The following BACH1 variants were observed in gnomAD, a reference collection of about 807,000 sequenced individuals.
BACH1 encodes the protein transcription regulator protein BACH1.
In BACH1, 35 loss-of-function variants were observed where a neutral mutation model predicts 52.9. The ratio of observed to expected loss-of-function variants is 0.66; its 90% confidence interval spans 0.51 to 0.88. The LOEUF (loss-of-function observed/expected upper bound fraction) is 0.88. BACH1 is among the 40% of genes least tolerant of loss of function. The pLI is 0.00. For synonymous variants in BACH1, 321 were observed against 319.6 expected (o/e 1.00, Z -0.05); for missense variants, 808 against 872.6 (o/e 0.93, Z 0.93).
chr21:29,318,244 A>T (rs1421056774), intron 1 of BACH1, among the ~76,000 whole-genome samples: 1 of 152,232 alleles, frequency 6.6e-6, no homozygotes, highest in African/African-American at 2.4e-5. Flanking sequence ...GCAGGAGCTG[A>T]TGATGGCTTG....
chr21:29,342,794 C>G lies in BACH1; in HGVS notation c.2172C>G (p.Phe724Leu). ...QCRQSGGISD[F>L]CQQMTDKCTT... ...GTCAGAGTGGTGGGATCTCAGATTT[C>G]TGTCAGCAGATGACTGATAAATGTA... Residue 724 changes from phenylalanine (F) to leucine (L), a missense_variant, in exon 5 of 5, where the codon TTC (phenylalanine) becomes TTG (leucine). Phe to Leu is a conservative substitution (Grantham distance 22). Transcript: ENST00000286800. 6 of 1,609,810 alleles carry G rather than the reference C, an allele frequency of 3.7e-6. No individual in the cohort carries two copies. Among genetic ancestry groups the G allele is most frequent in the Non-Finnish European group, 5.1e-6 (6 of 1,176,558 alleles).
intron 1 of BACH1, among the ~76,000 whole-genome samples, chr21:29,310,340 A>G (rs1052103386): frequency 6.6e-5 from 10 of 152,212 alleles, no homozygotes; most frequent in African/African-American, 1.9e-4. Flanking sequence ...AAGAATTTGA[A>G]TGCAGAAACA....
In BACH1 at chr21:29,326,935, T is replaced by G. The variant is rs751760727; in HGVS notation, c.1111T>G (p.Ser371Ala). ...FGESQDLPLK[S>A]DLGTREDSSV... ...TGAAAGTCAGGATTTACCTTTGAAA[T>G]CCGACTTGGGCACCAGGGAAGATAG... Residue 371 changes from serine to alanine, a missense_variant, in exon 3 of 5, where the codon TCC becomes GCC. Ser to Ala is a moderately conservative substitution (Grantham distance 99). Transcript: ENST00000286800. 3 of 1,614,194 alleles carry G rather than the reference T, an allele frequency of 1.9e-6. No homozygotes were observed. Among genetic ancestry groups the G allele is most frequent in the East Asian group, 4.5e-5 (2 of 44,880 alleles).
At position 29,298,973 on chromosome 21, in the gene BACH1, C is replaced by G. The variant is rs540376583; in HGVS notation, c.-61+20C>G. 118 of 151,936 alleles carry G rather than the reference C, an allele frequency of 7.8e-4. 1 individual carries two copies. The highest frequency in any genetic ancestry group is 2.7e-3 in the African/African-American group (113 of 41,488). The allele number at this position is 151,936 out of a possible 1,614,324, so 9.4% of individuals were successfully genotyped here. ...GCTCTGGTGAGTGGCTCGGCCGTCCCGCCGGCCCTTCTCCGGGAGGGTTGG... is the reference window on the plus strand; with the variant it reads ...GCTCTGGTGAGTGGCTCGGCCGTCCGGCCGGCCCTTCTCCGGGAGGGTTGG... On this transcript the variant is annotated intron_variant, in intron 1 of 4. Coordinates refer to ENST00000286800, the MANE Select transcript of BACH1 (RefSeq NM_001186.4).
At chr21:29,317,868 A>T (rs548893329) in intron 1 of BACH1, among the ~76,000 whole-genome samples, 1 of 152,192 alleles carries the variant, frequency 6.6e-6, no homozygotes, top group Admixed American at 6.5e-5. Context: ...TGTTTTCTCT[A>T]CTTTATAGAT....
downstream of BACH1, among the ~76,000 whole-genome samples, chr21:29,349,891 G>C (rs975171359): frequency 2.3e-4 from 35 of 152,236 alleles, no homozygotes; most frequent in African/African-American, 8.4e-4. Context: ...CATTGAGCCA[G>C]TTAAACTCCT....
intron 1 of BACH1, among the ~76,000 whole-genome samples, chr21:29,308,643 G>C (rs906688412): frequency 2.0e-5 from 3 of 151,976 alleles, no homozygotes; most frequent in Non-Finnish European, 4.4e-5. Context: ...ACCTGCAGGG[G>C]GTCATTTTGG....
chr21:29,350,512 C>G (rs2089196385), downstream of BACH1, among the ~76,000 whole-genome samples: 1 of 152,138 alleles, frequency 6.6e-6, no homozygotes, highest in East Asian at 1.9e-4. Flanking sequence ...AGGGAAGTAA[C>G]TTTTCCACCC....
At chr21:29,314,463 C>T (rs983985302) in intron 1 of BACH1, among the ~76,000 whole-genome samples, 1 of 152,184 alleles carries the variant, frequency 6.6e-6, no homozygotes, top group Non-Finnish European at 1.5e-5. Flanking sequence ...GACCCAGCAA[C>T]TATAACAAAA....
At chr21:29,321,581 T>G (rs1433234678) in intron 2 of BACH1, 67 bp downstream of exon 2, 2 of 1,431,524 alleles carry the variant, frequency 1.4e-6, no homozygotes, top group African/African-American at 2.8e-5. Context: ...TTCATAATGT[T>G]GAAAATAAAG....
intron 2 of BACH1, among the ~76,000 whole-genome samples, chr21:29,358,117 G>T (rs1334679635): frequency 6.6e-6 from 1 of 152,228 alleles, no homozygotes; most frequent in African/African-American, 2.4e-5. Context: ...GGCCCCTGGG[G>T]TTGTCACTTC....
chr21:29,320,861 C>T (rs568848960), intron 1 of BACH1, among the ~76,000 whole-genome samples: 87 of 152,318 alleles, frequency 5.7e-4, no homozygotes, highest in African/African-American at 2.0e-3. Context: ...TGCCTTCTCT[C>T]TCTCTCTCAA....
At chr21:29,301,977 C>T (rs938993210) in intron 1 of BACH1, among the ~76,000 whole-genome samples, 1 of 152,124 alleles carries the variant, frequency 6.6e-6, no homozygotes, top group Non-Finnish European at 1.5e-5. Context: ...CACCCCTGTA[C>T]TGTGAGAGGT....
intron 4 of BACH1, among the ~76,000 whole-genome samples, chr21:29,339,571 A>T (rs1298093530): frequency 6.6e-6 from 1 of 151,744 alleles, no homozygotes; most frequent in Admixed American, 6.6e-5. Context: ...CTTTAAAAAA[A>T]TTATATTTGA....
downstream of BACH1, among the ~76,000 whole-genome samples, chr21:29,347,556 G>GA (rs2089176796): frequency 6.6e-6 from 1 of 152,170 alleles, no homozygotes; most frequent in South Asian, 2.1e-4. Context: ...AAGTTCTCTT[G>GA]AAACATTGGC....
chr21:29,326,596 A>G lies in BACH1; in HGVS notation c.772A>G (p.Arg258Gly). ...DIHASVQPNE[R>G]SENECLGGVP... Reference sequence around the variant, plus strand: ...TCATGCTTCTGTTCAGCCAAATGAAAGGTCTGAAAATGAATGCCTGGGAGG... The same window carrying G: ...TCATGCTTCTGTTCAGCCAAATGAAGGGTCTGAAAATGAATGCCTGGGAGG... Residue 258 changes from arginine to glycine, a missense_variant, in exon 3 of 5, where the codon AGG (arginine) becomes GGG (glycine). Coordinates refer to ENST00000286800, the MANE Select transcript of BACH1 (RefSeq NM_001186.4). 1 of 1,614,246 alleles carries G rather than the reference A, an allele frequency of 6.2e-7. No homozygotes were observed. The highest frequency in any genetic ancestry group is 8.5e-7 in the Non-Finnish European group (1 of 1,180,038).
intron 1 of BACH1, chr21:29,299,641 G>T (rs1014258809): frequency 1.3e-5 from 2 of 152,234 alleles, no homozygotes; most frequent in African/African-American, 4.8e-5. Context: ...CTTTGTGCTC[G>T]TGTAATGTAA....
At chr21:29,329,299 C>A (rs1470085455) in intron 3 of BACH1, among the ~76,000 whole-genome samples, 188 bp from the exon 4 acceptor site, 1 of 151,796 alleles carries the variant, frequency 6.6e-6, no homozygotes, top group African/African-American at 2.4e-5. Context: ...GACCCTGTCT[C>A]CAAAAAAATA....
intron 1 of BACH1, among the ~76,000 whole-genome samples, chr21:29,319,306 T>C (rs1379530036): frequency 6.6e-6 from 1 of 152,136 alleles, no homozygotes; most frequent in African/African-American, 2.4e-5. Context: ...AGACAGGGTC[T>C]TAAGAGAAGG....
Sources: gnomAD v4.1 joint callset for allele counts (sites outside exome capture counted in the v4.1 genomes callset) on GRCh38, gnomAD v4.1.1 for gene constraint, MANE v1.5 for transcripts, NCBI Gene and HGNC (gene_info 2026-07-23, HGNC 2026-07-21) for gene names.